GALNTL6: variants seen among roughly 807,000 people sequenced by gnomAD.
GALNTL6 encodes the protein polypeptide N-acetylgalactosaminyltransferase-like 6.
A neutral mutation model predicts 73.7 loss-of-function variants in GALNTL6; 46 were observed. The ratio of observed to expected loss-of-function variants is 0.62; its 90% confidence interval spans 0.49 to 0.80. The LOEUF (loss-of-function observed/expected upper bound fraction) is 0.80, where lower values mean the gene tolerates loss of function less well. Among genes scored for constraint, GALNTL6 ranks in the 30% least tolerant of loss-of-function variants. The pLI is 0.00. For synonymous variants in GALNTL6, 259 were observed against 263.7 expected (o/e 0.98, Z 0.17); for missense variants, 604 against 755.0 (o/e 0.80, Z 2.34).
chr4:171,944,515 G>C (rs1738643837), intron 2 of GALNTL6, among the ~76,000 whole-genome samples: 1 of 151,826 alleles, frequency 6.6e-6, no homozygotes, highest in Non-Finnish European at 1.5e-5. Context: ...GATTTCTACT[G>C]GTGTTTTCAA....
intron 3 of GALNTL6, among the ~76,000 whole-genome samples, chr4:172,256,389 C>T (rs1418041126): frequency 6.6e-6 from 1 of 151,478 alleles, no homozygotes; most frequent in African/African-American, 2.4e-5. Context: ...TTCACCATGA[C>T]CAGAAAGATA....
At chr4:172,694,613 T>A (rs1733568992) in intron 5 of GALNTL6, among the ~76,000 whole-genome samples, 1 of 152,122 alleles carries the variant, frequency 6.6e-6, no homozygotes, top group Non-Finnish European at 1.5e-5. Context: ...AAATCAGTGA[T>A]CTATGGGGGC....
chr4:172,618,760 T>C (rs921319098), intron 5 of GALNTL6, among the ~76,000 whole-genome samples: 1 of 152,136 alleles, frequency 6.6e-6, no homozygotes, highest in Admixed American at 6.5e-5. Flanking sequence ...AGTCTCACTT[T>C]GTTGCAAGGC....
At chr4:172,082,960 T>C (rs924581352) in intron 2 of GALNTL6, among the ~76,000 whole-genome samples, 3 of 152,170 alleles carry the variant, frequency 2.0e-5, no homozygotes, top group African/African-American at 7.2e-5. Flanking sequence ...GTGTTATAAG[T>C]TAATGTTTAT....
Position 172,809,004 on chromosome 4 carries a change from G to T in GALNTL6, c.554-357G>T, listed in dbSNP as rs148886526. On this transcript the variant is annotated intron_variant, in intron 5 of 12. Coordinates refer to ENST00000506823, the MANE Select transcript of GALNTL6 (RefSeq NM_001034845.3). This position sits in a 1 kb window ranked among gnomAD's most constrained non-coding sequence, Gnocchi z 4.4. Reference sequence around the variant, plus strand: ...GTAGAGAGCTCTTTTGTTGGAAAGAGCCCATTTCCAGGATTTTCATCTGAC... The same window carrying T: ...GTAGAGAGCTCTTTTGTTGGAAAGATCCCATTTCCAGGATTTTCATCTGAC... 6.6e-6 allele frequency among the ~76,000 whole-genome samples: 1 copy of T among 152,178 alleles called. No homozygotes were observed. The highest frequency in any genetic ancestry group is 1.9e-4 in the East Asian group (1 of 5,192).
intron 3 of GALNTL6, among the ~76,000 whole-genome samples, chr4:172,239,365 T>C (rs942549097): frequency 2.0e-5 from 3 of 152,242 alleles, no homozygotes; most frequent in Non-Finnish European, 2.9e-5. Flanking sequence ...TTCTAGGTTT[T>C]CTAACTTGTG....
intron 2 of GALNTL6, among the ~76,000 whole-genome samples, chr4:172,217,935 G>A (rs1736546666): frequency 6.6e-6 from 1 of 152,002 alleles, no homozygotes. Flanking sequence ...TAATGTCTTG[G>A]TTTTCATGTC....
chr4:172,612,912 GA>G (rs1738582863), intron 5 of GALNTL6, among the ~76,000 whole-genome samples: 1 of 152,066 alleles, frequency 6.6e-6, no homozygotes, highest in Non-Finnish European at 1.5e-5. Context: ...AGCCTCTCTA[GA>G]AGAAGGTTTG....
intron 2 of GALNTL6, among the ~76,000 whole-genome samples, chr4:172,169,282 A>T (rs867055812): frequency 2.0e-5 from 3 of 152,212 alleles, no homozygotes; most frequent in African/African-American, 7.2e-5. Context: ...GTTACCAGAG[A>T]TATTCAACCA....
chr4:172,307,688 G>A (rs1161163168), intron 3 of GALNTL6, among the ~76,000 whole-genome samples: 1 of 152,012 alleles, frequency 6.6e-6, no homozygotes, highest in Non-Finnish European at 1.5e-5. Context: ...TTATTTCTGG[G>A]CTCTCAATTC....
chr4:172,424,238 AT>A (rs901878605), intron 5 of GALNTL6, among the ~76,000 whole-genome samples: 93 of 152,100 alleles, frequency 6.1e-4, no homozygotes, highest in African/African-American at 2.1e-3. Context: ...AATTTTATTT[AT>A]TTTTCCCCTT....
At chr4:172,608,442 G>A (rs1738391533) in intron 5 of GALNTL6, among the ~76,000 whole-genome samples, 1 of 152,000 alleles carries the variant, frequency 6.6e-6, no homozygotes. Flanking sequence ...GTGGTTGTAG[G>A]TGAGTTGCTT....
intron 5 of GALNTL6, among the ~76,000 whole-genome samples, chr4:172,528,319 AATATATATATATATATAT>A (rs3083419): frequency 0.011 from 1,168 of 103,670 alleles, 25 homozygotes; most frequent in African/African-American, 0.023. Context: ...CTAGAAATAA[AATATATATATATATATAT>A]ATATATATAT....
intron 5 of GALNTL6, among the ~76,000 whole-genome samples, chr4:172,464,656 G>A (rs776626255): frequency 2.7e-4 from 41 of 151,990 alleles, no homozygotes; most frequent in Admixed American, 7.2e-4. Flanking sequence ...GCAGTGAGCC[G>A]AGATCGCACC....
At chr4:172,910,827 C>T (rs1747158809) in intron 8 of GALNTL6, among the ~76,000 whole-genome samples, 1 of 151,984 alleles carries the variant, frequency 6.6e-6, no homozygotes, top group Admixed American at 6.6e-5. Context: ...CTTTTCCTCA[C>T]CCCTTACACC....
intron 7 of GALNTL6, among the ~76,000 whole-genome samples, chr4:172,832,332 C>G (rs1038933119): frequency 6.6e-6 from 1 of 152,132 alleles, no homozygotes; most frequent in East Asian, 1.9e-4. Context: ...CACACAGAGA[C>G]AGAAAGTACG....
intron 2 of GALNTL6, among the ~76,000 whole-genome samples, chr4:171,955,053 T>A (rs1172888505): frequency 6.6e-6 from 1 of 152,146 alleles, no homozygotes; most frequent in Non-Finnish European, 1.5e-5. Context: ...GAGAATGAAC[T>A]AATACAGAAG....
chr4:172,978,936 T>C lies in GALNTL6; in HGVS notation c.1371+26678T>C, dbSNP rs188780869. Among the ~76,000 whole-genome samples, 89 of 152,370 alleles carry C rather than the reference T, an allele frequency of 5.8e-4. 1 individual carries two copies. In the East Asian group the frequency reaches 0.012, roughly 21 times the overall value. ...GTTAGAATCAGGCAAGTCACTTTAA[T>C]GTCTCTCCTCAGCAGTAAAATGAGG... On this transcript the variant is annotated intron_variant, in intron 10 of 12. Transcript: ENST00000506823.
At chr4:172,414,451 T>A (rs928489637) in intron 5 of GALNTL6, among the ~76,000 whole-genome samples, 1 of 152,132 alleles carries the variant, frequency 6.6e-6, no homozygotes, top group African/African-American at 2.4e-5. Flanking sequence ...ATATTTAGCA[T>A]CCCCAGATGC....
Sources: gnomAD v4.1 joint callset for allele counts (sites outside exome capture counted in the v4.1 genomes callset) on GRCh38, gnomAD v4.1.1 for gene constraint, Gnocchi (gnomAD v3.1) non-coding constraint, MANE v1.5 for transcripts, NCBI Gene and HGNC (gene_info 2026-07-23, HGNC 2026-07-21) for gene names.